Variants in ARHGEF7 observed in about 807,000 individuals in gnomAD.
ARHGEF7 encodes the protein Rho guanine nucleotide exchange factor 7.
ARHGEF7 carries 33 observed loss-of-function variants against 109.8 expected under a neutral mutation model. That is an observed-to-expected ratio of 0.30 (90% CI 0.23 to 0.40). The LOEUF is 0.40. Ranked by LOEUF, ARHGEF7 falls within the 10% of genes least tolerant of loss-of-function variation. The pLI is 1.00. For synonymous variants in ARHGEF7, 458 were observed against 424.6 expected (o/e 1.08, Z -0.97); for missense variants, 938 against 1,098.5 (o/e 0.85, Z 2.07).
intron 2 of ARHGEF7, among the ~76,000 whole-genome samples, chr13:111,173,542 C>T (rs937952546): frequency 1.3e-5 from 2 of 152,188 alleles, no homozygotes; most frequent in African/African-American, 4.8e-5. Flanking sequence ...AGGGACAGGG[C>T]AGAGTGCTCA....
intron 2 of ARHGEF7, among the ~76,000 whole-genome samples, chr13:111,180,296 A>G (rs1045674463): frequency 7.9e-5 from 12 of 152,224 alleles, no homozygotes; most frequent in Admixed American, 6.5e-4. Flanking sequence ...CGAGCTTTTC[A>G]TTACCAAGCA....
chr13:111,199,986 C>T (rs1235067063), intron 2 of ARHGEF7, among the ~76,000 whole-genome samples: 1 of 152,230 alleles, frequency 6.6e-6, no homozygotes, highest in Non-Finnish European at 1.5e-5. Context: ...GGAGCACATA[C>T]AGTTGTCACC....
intron 1 of ARHGEF7, among the ~76,000 whole-genome samples, chr13:111,127,648 GAAAAA>G (rs71206956): frequency 1.5e-4 from 6 of 40,042 alleles, no homozygotes; most frequent in Non-Finnish European, 2.5e-4. Flanking sequence ...CTCTGTTTCA[GAAAAA>G]AAAAAAAAAA....
At chr13:111,282,724 A>C in intron 15 of ARHGEF7, 1 of 217,166 alleles carries the variant, frequency 4.6e-6, no homozygotes, top group Non-Finnish European at 9.1e-6. Context: ...CAGGTGAAGA[A>C]TAATACGTGG....
rs890519027 is a variant in ARHGEF7, at chr13:111,217,948, A to G, written c.670+68A>G. The G allele has an allele frequency of 4.1e-6, 6 of 1,452,172 alleles. No homozygotes were observed. The South Asian group carries it at 5.3e-5, about 13-fold the overall frequency. 90.0% of individuals were successfully genotyped at this position (1,452,172 alleles called of 1,614,324 possible). On this transcript the variant is annotated intron_variant, in intron 5 of 21. Coordinates refer to ENST00000646102, the MANE Select transcript of ARHGEF7 (RefSeq NM_001354046.2). ...GCAGAAAGAAGTAAATGTACTTGACATAGTGTTTACTCTCCAGCTGGACCT... is the reference window on the plus strand; with the variant it reads ...GCAGAAAGAAGTAAATGTACTTGACGTAGTGTTTACTCTCCAGCTGGACCT...
chr13:111,284,432 C>T (rs1363880280), intron 16 of ARHGEF7, among the ~76,000 whole-genome samples: 1 of 152,116 alleles, frequency 6.6e-6, no homozygotes, highest in Non-Finnish European at 1.5e-5. Context: ...TCAGAATTTC[C>T]ATTTTCTATC....
chr13:111,168,241 C>T (rs747650424), intron 2 of ARHGEF7, among the ~76,000 whole-genome samples: 6 of 145,078 alleles, frequency 4.1e-5, no homozygotes, highest in South Asian at 2.1e-4. Context: ...GCCGCTCTCC[C>T]GCTTGGTCTC....
At chr13:111,154,051 T>G (rs2153377181) in intron 2 of ARHGEF7, 60 bp downstream of exon 2, 3 of 1,488,470 alleles carry the variant, frequency 2.0e-6, no homozygotes, top group South Asian at 1.2e-5. Context: ...GGGCCCGGGG[T>G]GGGTGCTTCG....
chr13:111,163,332 G>A (rs771715438), intron 2 of ARHGEF7, among the ~76,000 whole-genome samples: 54 of 152,140 alleles, frequency 3.5e-4, no homozygotes, highest in Non-Finnish European at 6.8e-4. Context: ...GTGCCTTGCT[G>A]TACTGTCTTG....
At chr13:111,199,144 C>T (rs1260920856) in intron 2 of ARHGEF7, among the ~76,000 whole-genome samples, 1 of 152,156 alleles carries the variant, frequency 6.6e-6, no homozygotes, top group African/African-American at 2.4e-5. Context: ...GTCATGTGGC[C>T]AGGCCTGCCC....
At chr13:111,217,989 T>A in intron 5 of ARHGEF7, 109 bp downstream of exon 5, 4 of 1,141,262 alleles carry the variant, frequency 3.5e-6, no homozygotes, top group Non-Finnish European at 4.8e-6. Flanking sequence ...AATGACCTGG[T>A]CTTAGGATAC....
intron 2 of ARHGEF7, among the ~76,000 whole-genome samples, chr13:111,161,914 T>C (rs1426350298): frequency 6.6e-6 from 1 of 152,242 alleles, no homozygotes; most frequent in East Asian, 1.9e-4. Context: ...TTCCTGGTAA[T>C]AATCCCCATT....
At chr13:111,181,282 G>A (rs1267605908) in intron 2 of ARHGEF7, among the ~76,000 whole-genome samples, 1 of 152,182 alleles carries the variant, frequency 6.6e-6, no homozygotes, top group Non-Finnish European at 1.5e-5. Context: ...TGTGTATTAA[G>A]GGTTTCAAGT....
At chr13:111,192,436 A>C (rs2080002543) in intron 2 of ARHGEF7, among the ~76,000 whole-genome samples, 1 of 152,182 alleles carries the variant, frequency 6.6e-6, no homozygotes, top group African/African-American at 2.4e-5. Context: ...TTTGCCAAAG[A>C]AGTTATATCT....
At position 111,153,998 on chromosome 13, in the gene ARHGEF7, G is replaced by C. The variant is rs2076084546; in HGVS notation, c.252+7G>C. On this transcript the variant is annotated splice_region_variant and intron_variant, in intron 2 of 21. Transcript: ENST00000646102. Reference sequence around the variant, plus strand: ...GGCTTCCCTGCGGCTGGAGGTGAGCGCGGGCGGCCACGGGCCGAGGGAGGG... The same window carrying C: ...GGCTTCCCTGCGGCTGGAGGTGAGCCCGGGCGGCCACGGGCCGAGGGAGGG... 6.3e-7 allele frequency: 1 copy of C among 1,596,866 alleles called. No homozygotes were observed. Among genetic ancestry groups the C allele is most frequent in the Non-Finnish European group, 8.5e-7 (1 of 1,174,894 alleles).
chr13:111,302,304 G>A lies in ARHGEF7; in HGVS notation c.2467-687G>A, dbSNP rs533429011. On this transcript the variant is annotated intron_variant, in intron 21 of 21. Transcript: ENST00000646102. ...CATTGCACGGAATGTGAGTACGAGC[G>A]GCTTTGGTCCTCTGCCCAGCTAGGT... 3.4e-4 allele frequency among the ~76,000 whole-genome samples: 51 copies of A among 152,084 alleles called. 1 individual carries two copies. In the South Asian group the frequency reaches 9.8e-3, roughly 29 times the overall value.
intron 18 of ARHGEF7, among the ~76,000 whole-genome samples, chr13:111,290,921 T>A (rs1352349097): frequency 6.6e-6 from 1 of 152,214 alleles, no homozygotes; most frequent in Admixed American, 6.5e-5. Context: ...AGCAGCTCTT[T>A]TTACATTAAA....
At chr13:111,213,100 C>T (rs1303712575) in intron 4 of ARHGEF7, among the ~76,000 whole-genome samples, 1 of 152,078 alleles carries the variant, frequency 6.6e-6, no homozygotes, top group Non-Finnish European at 1.5e-5. Context: ...AAGCAGCACT[C>T]CAGAGTGTCC....
At chr13:111,226,642 A>G (rs1017050639) in intron 5 of ARHGEF7, among the ~76,000 whole-genome samples, 2 of 152,250 alleles carry the variant, frequency 1.3e-5, no homozygotes, top group Non-Finnish European at 2.9e-5. Context: ...TTGACAGTGT[A>G]CCTAATCACC....
Sources: gnomAD v4.1 joint callset for allele counts (sites outside exome capture counted in the v4.1 genomes callset) on GRCh38, gnomAD v4.1.1 for gene constraint, MANE v1.5 for transcripts, NCBI Gene and HGNC (gene_info 2026-07-23, HGNC 2026-07-21) for gene names.